LRRC20: variants seen among roughly 807,000 people sequenced by gnomAD.
LRRC20 encodes the protein leucine-rich repeat-containing protein 20.
In LRRC20, 11 loss-of-function variants were observed where a neutral mutation model predicts 14.4. The observed-to-expected ratio is 0.77, with a 90% CI of 0.48 to 1.27. The LOEUF is 1.27. LRRC20 is among the 50% of genes most tolerant of loss of function. The probability of loss-of-function intolerance (pLI) is 0.00; values close to 1 mark genes in which losing one functional copy is unlikely to be tolerated. For synonymous variants in LRRC20, 121 were observed against 107.3 expected, an observed-to-expected ratio of 1.13 and a Z score of -0.79; for missense variants, 219 against 251.2, an observed-to-expected ratio of 0.87 and a Z score of 0.87.
intron 2 of LRRC20, among the ~76,000 whole-genome samples, chr10:70,357,113 A>C (rs1843555542): frequency 6.6e-6 from 1 of 152,246 alleles, no homozygotes; most frequent in Non-Finnish European, 1.5e-5. Context: ...AAAAGGACAA[A>C]TGTTGCATGA....
chr10:70,355,755 G>A (rs1169212841), intron 2 of LRRC20, among the ~76,000 whole-genome samples: 3 of 152,106 alleles, frequency 2.0e-5, no homozygotes, highest in Non-Finnish European at 4.4e-5. Flanking sequence ...TTCCTCAAAC[G>A]CCCAAAAACC....
chr10:70,311,040 C>T (rs6480450), intron 4 of LRRC20, among the ~76,000 whole-genome samples: 139,662 of 152,174 alleles, frequency 0.92, 65,263 homozygotes, highest in East Asian at 1. Flanking sequence ...CACATACCTA[C>T]GTATTTCCAA....
intron 3 of LRRC20, 36 bp downstream of exon 3, chr10:70,340,517 G>A (rs758114800): frequency 1.3e-5 from 21 of 1,612,862 alleles, no homozygotes; most frequent in Admixed American, 6.7e-5. Flanking sequence ...ATGAGAGCTG[G>A]CCATGCCCTC....
chr10:70,359,985 C>T (rs1373724266), intron 2 of LRRC20, among the ~76,000 whole-genome samples: 6 of 147,764 alleles, frequency 4.1e-5, no homozygotes, highest in Non-Finnish European at 6.0e-5. Flanking sequence ...GGCGTGATCT[C>T]GGCTCACTGC....
intron 4 of LRRC20, among the ~76,000 whole-genome samples, chr10:70,316,283 C>T (rs2136917600): frequency 6.6e-6 from 1 of 152,262 alleles, no homozygotes; most frequent in Middle Eastern, 3.4e-3. Flanking sequence ...CAGGTGCATG[C>T]CACCACACCT....
At chr10:70,323,735 C>A (rs919893741) in intron 4 of LRRC20, 128 bp downstream of exon 4, 15 of 1,076,706 alleles carry the variant, frequency 1.4e-5, no homozygotes, top group Non-Finnish European at 1.9e-5. Flanking sequence ...GCCCCATGTC[C>A]TTTGCTCAGG....
chr10:70,301,609 C>A, intron 4 of LRRC20, 101 bp from the exon 5 acceptor site: 2 of 1,422,856 alleles, frequency 1.4e-6, no homozygotes, highest in Non-Finnish European at 9.6e-7. Flanking sequence ...TGGTGAGGGG[C>A]AGCTCTCCAT....
At chr10:70,359,649 C>T (rs565859203) in intron 2 of LRRC20, among the ~76,000 whole-genome samples, 1 of 152,234 alleles carries the variant, frequency 6.6e-6, no homozygotes, top group Non-Finnish European at 1.5e-5. Context: ...ATCCCTCTTG[C>T]ACCTCTTCAT....
At chr10:70,325,407 T>G (rs975520719) in intron 3 of LRRC20, among the ~76,000 whole-genome samples, 5 of 152,168 alleles carry the variant, frequency 3.3e-5, no homozygotes, top group Non-Finnish European at 5.9e-5. Context: ...GCAATGATAC[T>G]GCACCCTCCA....
chr10:70,352,731 CT>C (rs1463284192), intron 2 of LRRC20, among the ~76,000 whole-genome samples: 2 of 152,090 alleles, frequency 1.3e-5, no homozygotes, highest in African/African-American at 4.8e-5. Context: ...GCTTGTGAAC[CT>C]TGTGAACCTA....
chr10:70,323,875 T>C lies in LRRC20; in HGVS notation c.388A>G (p.Asn130Asp), dbSNP rs1461031465. Residue 130 changes from asparagine to aspartate, a missense_variant, in exon 4 of 5, where the codon AAC becomes GAC. Physicochemically the swap from Asn to Asp is conservative, Grantham distance 23 (BLOSUM62 1). Transcript: ENST00000446961. Reference protein sequence around the residue: ...PALETINLEENEIVDVPVEKL... With the variant: ...PALETINLEEDEIVDVPVEKL... Reference sequence around the variant, plus strand: ...CAGGCCCACTCACCTACGATCTCGTTCTCCTCCAGGTTGATGGTCTCCAGC... The same window carrying C: ...CAGGCCCACTCACCTACGATCTCGTCCTCCTCCAGGTTGATGGTCTCCAGC... 1.9e-6 allele frequency: 3 copies of C among 1,613,922 alleles called. No individual in the cohort carries two copies. The highest frequency in any genetic ancestry group is 2.5e-6 in the Non-Finnish European group (3 of 1,179,988).
intron 4 of LRRC20, among the ~76,000 whole-genome samples, chr10:70,318,596 A>G (rs1841959188): frequency 6.6e-6 from 1 of 151,914 alleles, no homozygotes; most frequent in South Asian, 2.1e-4. Context: ...TCTACCAAAA[A>G]TACAAAAATT....
chr10:70,365,552 C>T (rs1301107735), intron 2 of LRRC20, among the ~76,000 whole-genome samples: 1 of 152,074 alleles, frequency 6.6e-6, no homozygotes, highest in African/African-American at 2.4e-5. Context: ...GTGAGCCAGG[C>T]AGGTGGCATG....
chr10:70,349,686 T>G lies in LRRC20; in HGVS notation c.83-8984A>C, dbSNP rs184495447. Among the ~76,000 whole-genome samples the G allele has an allele frequency of 1.9e-4, 29 of 152,304 alleles. No individual in the cohort carries two copies. In the East Asian group the frequency reaches 2.1e-3, roughly 11 times the overall value. On this transcript the variant is annotated intron_variant, in intron 2 of 4. Coordinates refer to ENST00000446961, the MANE Select transcript of LRRC20 (RefSeq NM_001278212.2). ...TCTATAGTAACTCATTTAATTCCTTTGACAACCTGAGTTACCCTCACAGCA... is the reference window on the plus strand; with the variant it reads ...TCTATAGTAACTCATTTAATTCCTTGGACAACCTGAGTTACCCTCACAGCA...
intron 3 of LRRC20, among the ~76,000 whole-genome samples, chr10:70,330,673 C>T (rs1842503465): frequency 6.6e-6 from 1 of 152,164 alleles, no homozygotes; most frequent in Admixed American, 6.5e-5. Context: ...CAGAATGGGG[C>T]ATGCATCCTG....
At chr10:70,307,659 C>T (rs1240351276) in intron 4 of LRRC20, among the ~76,000 whole-genome samples, 1 of 152,208 alleles carries the variant, frequency 6.6e-6, no homozygotes, top group Non-Finnish European at 1.5e-5. Context: ...GGCAAAGGCC[C>T]CCAGATCCTT....
chr10:70,349,144 G>C (rs201087639), intron 2 of LRRC20, among the ~76,000 whole-genome samples: 34,799 of 152,186 alleles, frequency 0.23, 4,198 homozygotes, highest in East Asian at 0.38. Flanking sequence ...ACAGTATATA[G>C]TTCACCAAGG....
chr10:70,346,706 C>T (rs1843083633), intron 2 of LRRC20, among the ~76,000 whole-genome samples: 1 of 152,036 alleles, frequency 6.6e-6, no homozygotes, highest in Non-Finnish European at 1.5e-5. Flanking sequence ...GAAAAATAAC[C>T]AGAATGCTAA....
intron 2 of LRRC20, among the ~76,000 whole-genome samples, chr10:70,363,809 G>A (rs1246740322): frequency 6.8e-6 from 1 of 146,354 alleles, no homozygotes; most frequent in Admixed American, 7.0e-5. Flanking sequence ...CAAGTCTAGA[G>A]GTGGCATGCT....
Sources: allele counts gnomAD v4.1 joint callset (sites outside exome capture counted in the v4.1 genomes callset), GRCh38; gene constraint gnomAD v4.1.1; transcripts MANE v1.5; gene names NCBI Gene and HGNC (gene_info 2026-07-23, HGNC 2026-07-21).